The following EXT1 variants were observed in gnomAD, a reference collection of about 807,000 sequenced individuals.
The protein encoded by EXT1 is exostosin-1.
EXT1 carries 20 observed loss-of-function variants against 82.5 expected under a neutral mutation model. The observed-to-expected ratio is 0.24, with a 90% confidence interval of 0.17 to 0.35. The LOEUF (loss-of-function observed/expected upper bound fraction) is 0.35, where lower values mean the gene tolerates loss of function less well. Among genes scored for constraint, EXT1 ranks in the 10% least tolerant of loss-of-function variants. The pLI is 1.00. For synonymous variants in EXT1, 348 were observed against 350.8 expected (o/e 0.99, Z 0.09); for missense variants, 757 against 936.5 (o/e 0.81, Z 2.50).
At chr8:118,073,632 A>AG (rs201535579) in intron 1 of EXT1, among the ~76,000 whole-genome samples, 1,576 of 88,790 alleles carry the variant, frequency 0.018, 25 homozygotes, top group African/African-American at 0.073. Flanking sequence ...AGAGAAGAGA[A>AG]AGAAGAGAAG....
intron 6 of EXT1, 32 bp from the exon 7 acceptor site, chr8:117,818,562 G>T: frequency 6.4e-7 from 1 of 1,554,190 alleles, no homozygotes; most frequent in Non-Finnish European, 8.9e-7. Context: ...AGATGGCTGG[G>T]GTAGGATGTA....
At chr8:118,012,516 G>C (rs1280880243) in intron 1 of EXT1, among the ~76,000 whole-genome samples, 1 of 152,236 alleles carries the variant, frequency 6.6e-6, no homozygotes, top group East Asian at 1.9e-4. Flanking sequence ...CTCTAGGACA[G>C]AGACCAGGCC....
chr8:117,989,511 CT>C (rs1421787657), intron 1 of EXT1, among the ~76,000 whole-genome samples: 4 of 152,144 alleles, frequency 2.6e-5, no homozygotes, highest in African/African-American at 9.7e-5. Flanking sequence ...CTCAATAGCT[CT>C]TTTAAACTGA....
At chr8:118,027,808 T>C (rs1816231424) in intron 1 of EXT1, among the ~76,000 whole-genome samples, 1 of 152,178 alleles carries the variant, frequency 6.6e-6, no homozygotes, top group South Asian at 2.1e-4. Flanking sequence ...ACTGGCAAAA[T>C]GGCAAAGGCT....
intron 1 of EXT1, among the ~76,000 whole-genome samples, chr8:117,900,957 C>T (rs9656925): frequency 0.31 from 46,461 of 152,090 alleles, 7,425 homozygotes; most frequent in East Asian, 0.37. Context: ...CCTACCAAGG[C>T]AGATACTTGG....
intron 1 of EXT1, among the ~76,000 whole-genome samples, chr8:117,888,038 T>A (rs944884430): frequency 2.0e-5 from 3 of 151,548 alleles, no homozygotes; most frequent in African/African-American, 2.4e-5. Flanking sequence ...TAAGCTGAGA[T>A]CACGCCATTG....
intron 1 of EXT1, among the ~76,000 whole-genome samples, chr8:117,842,043 G>C (rs1812282553): frequency 6.6e-6 from 1 of 152,148 alleles, no homozygotes; most frequent in African/African-American, 2.4e-5. Context: ...GAAACTCTGG[G>C]GGAAGAGCCC....
chr8:117,802,419 C>T (rs1019370849), intron 10 of EXT1, among the ~76,000 whole-genome samples: 3 of 152,152 alleles, frequency 2.0e-5, no homozygotes, highest in African/African-American at 7.2e-5. Flanking sequence ...ACTATTGTCC[C>T]ATATACTGTA....
At chr8:117,967,904 G>T (rs1222631698) in intron 1 of EXT1, among the ~76,000 whole-genome samples, 2 of 152,192 alleles carry the variant, frequency 1.3e-5, no homozygotes, top group Non-Finnish European at 2.9e-5. Flanking sequence ...TGATGTACAT[G>T]AGGACTATAG....
chr8:117,904,125 T>C (rs1813501017), intron 1 of EXT1, among the ~76,000 whole-genome samples: 2 of 152,212 alleles, frequency 1.3e-5, no homozygotes, highest in Non-Finnish European at 2.9e-5. Context: ...ATACTAAACA[T>C]GGCTGCAAAG....
chr8:118,025,930 G>A (rs1347067818), intron 1 of EXT1, among the ~76,000 whole-genome samples: 1 of 152,108 alleles, frequency 6.6e-6, no homozygotes, highest in Non-Finnish European at 1.5e-5. Flanking sequence ...AATCATCCAG[G>A]CATATCAATC....
chr8:118,062,149 CT>C (rs1816892384), intron 1 of EXT1, among the ~76,000 whole-genome samples: 2 of 152,134 alleles, frequency 1.3e-5, no homozygotes, highest in African/African-American at 4.8e-5. Context: ...TGACTTCCAG[CT>C]TTCTGGTCAT....
intron 1 of EXT1, among the ~76,000 whole-genome samples, chr8:118,017,788 T>C (rs1047571356): frequency 1.3e-5 from 2 of 152,208 alleles, no homozygotes; most frequent in Admixed American, 6.5e-5. Flanking sequence ...CCAACCGTAA[T>C]TGGCTTCCCA....
Position 117,795,784 on chromosome 8 carries a change from G to C in EXT1, c.*3928C>G, listed in dbSNP as rs1190623257. Reference sequence around the variant, plus strand: ...CCAATGCATTCCAGCCTGGGTGACAGGGCAAGACTCTGTCTCAAAGAAAAA... The same window carrying C: ...CCAATGCATTCCAGCCTGGGTGACACGGCAAGACTCTGTCTCAAAGAAAAA... On this transcript the variant is annotated 3_prime_UTR_variant, in exon 11 of 11. Coordinates refer to ENST00000378204, the MANE Select transcript of EXT1 (RefSeq NM_000127.3). The C allele has an allele frequency of 6.6e-6, 1 of 151,902 alleles. No homozygotes were observed. Among genetic ancestry groups the C allele is most frequent in the African/African-American group, 2.4e-5 (1 of 41,316 alleles). 9.4% of individuals were successfully genotyped at this position (151,902 alleles called of 1,614,324 possible).
chr8:118,074,524 G>T (rs568792491), intron 1 of EXT1, among the ~76,000 whole-genome samples: 8 of 152,156 alleles, frequency 5.3e-5, no homozygotes, highest in African/African-American at 1.9e-4. Flanking sequence ...CGCGCACCGC[G>T]GCCACCACCT....
intron 1 of EXT1, among the ~76,000 whole-genome samples, chr8:117,972,977 G>A (rs530466578): frequency 3.3e-5 from 5 of 152,038 alleles, no homozygotes; most frequent in African/African-American, 7.2e-5. Flanking sequence ...CTGCCAAACC[G>A]TATCAATATG....
At chr8:117,939,486 T>C (rs1448753974) in intron 1 of EXT1, among the ~76,000 whole-genome samples, 1 of 150,572 alleles carries the variant, frequency 6.6e-6, no homozygotes, top group African/African-American at 2.5e-5. Context: ...AGAGAATCAC[T>C]TGAACCCGGG....
chr8:117,930,013 C>T (rs1344360479), intron 1 of EXT1, among the ~76,000 whole-genome samples: 1 of 151,868 alleles, frequency 6.6e-6, no homozygotes, highest in East Asian at 1.9e-4. Flanking sequence ...GAGGCTGAGG[C>T]AGACTTGCTT....
At chr8:117,857,145 A>G (rs971110339) in intron 1 of EXT1, among the ~76,000 whole-genome samples, 4 of 152,316 alleles carry the variant, frequency 2.6e-5, no homozygotes, top group Middle Eastern at 3.4e-3. Flanking sequence ...TTCTTTTAAA[A>G]TATTGCGTTC....
Sources: gnomAD v4.1 joint callset for allele counts (sites outside exome capture counted in the v4.1 genomes callset) on GRCh38, gnomAD v4.1.1 for gene constraint, MANE v1.5 for transcripts, NCBI Gene and HGNC (gene_info 2026-07-23, HGNC 2026-07-21) for gene names.